The following CMTM4 variants were observed in gnomAD, a reference collection of about 807,000 sequenced individuals.
The protein encoded by CMTM4 is CKLF like MARVEL transmembrane domain containing 4.
CMTM4 carries 8 observed loss-of-function variants against 19.0 expected under a neutral mutation model. The observed-to-expected ratio is 0.42, with a 90% CI of 0.25 to 0.76. CMTM4 has a LOEUF of 0.76. CMTM4 is among the 30% of genes least tolerant of loss of function. CMTM4 has a pLI of 0.27. For missense variants in CMTM4, 228 were observed against 290.2 expected, an observed-to-expected ratio of 0.79 and a Z score of 1.56; for synonymous variants, 106 against 121.1, an observed-to-expected ratio of 0.88 and a Z score of 0.82.
intron 1 of CMTM4, among the ~76,000 whole-genome samples, chr16:66,674,847 T>G (rs1447098856): frequency 7.0e-6 from 1 of 141,970 alleles, no homozygotes; most frequent in Admixed American, 7.4e-5. Context: ...GTTCAAGCAA[T>G]TCCCCTGCCT....
chr16:66,600,445 C>A, the CMTM4 span, among the ~76,000 whole-genome samples: 1 of 152,046 alleles, frequency 6.6e-6, no homozygotes, highest in African/African-American at 2.4e-5. Context: ...GCGCCCAGCC[C>A]AGGGCCACGT....
At position 66,621,723 on chromosome 16, in the gene CMTM4, A is replaced by G; in HGVS notation, c.*335T>C. The stretch of plus-strand genomic sequence containing the variant: ...CATTCCTTCATATTTCCCCCCTCTT[A>G]GCAGCCCCATTTAATCCAAAGTCTT... On this transcript the variant is annotated 3_prime_UTR_variant, in exon 4 of 4. Transcript: ENST00000394106. 3 of 1,104,994 alleles carry G rather than the reference A, an allele frequency of 2.7e-6. No individual in the cohort carries two copies. Among genetic ancestry groups the G allele is most frequent in the South Asian group, 3.1e-5 (1 of 32,302 alleles). The allele number at this position is 1,104,994 out of a possible 1,614,324, so 68.4% of individuals were successfully genotyped here. A position where few individuals can be genotyped will look rare whatever the true frequency, so the allele number is the denominator to read the frequency against.
At chr16:66,650,849 G>T (rs2016296673) in intron 1 of CMTM4, among the ~76,000 whole-genome samples, 1 of 152,124 alleles carries the variant, frequency 6.6e-6, no homozygotes, top group Non-Finnish European at 1.5e-5. Flanking sequence ...TACCCAGCAG[G>T]GGAGCAACTA....
downstream of CMTM4, among the ~76,000 whole-genome samples, chr16:66,611,748 C>T (rs1473412864): frequency 6.6e-6 from 1 of 152,062 alleles, no homozygotes; most frequent in African/African-American, 2.4e-5. Flanking sequence ...AGCTCCGAGA[C>T]AGAACTGGGA....
intron 1 of CMTM4, among the ~76,000 whole-genome samples, chr16:66,657,830 C>G (rs2016426234): frequency 6.6e-6 from 1 of 152,168 alleles, no homozygotes; most frequent in African/African-American, 2.4e-5. Flanking sequence ...TTTACCTTGC[C>G]TTTCCTGTAC....
At chr16:66,679,224 C>A (rs2016863587) in intron 1 of CMTM4, among the ~76,000 whole-genome samples, 1 of 152,020 alleles carries the variant, frequency 6.6e-6, no homozygotes, top group Admixed American at 6.6e-5. Flanking sequence ...TTCATCCAAC[C>A]CCAAACACTT....
chr16:66,660,907 G>C (rs929925780), intron 1 of CMTM4, among the ~76,000 whole-genome samples: 1 of 152,062 alleles, frequency 6.6e-6, no homozygotes, highest in African/African-American at 2.4e-5. Flanking sequence ...TTTACCGCAC[G>C]GTGGGGCCTG....
the CMTM4 span, among the ~76,000 whole-genome samples, chr16:66,607,687 C>T: frequency 2.0e-5 from 3 of 152,192 alleles, no homozygotes; most frequent in Non-Finnish European, 2.9e-5. Flanking sequence ...TGATTTCCCT[C>T]CGCAGGGCAC....
chr16:66,696,522 G>T lies in CMTM4; in HGVS notation c.4C>A (p.Arg2=), dbSNP rs1284719590. 34 of 1,198,436 alleles carry T rather than the reference G, an allele frequency of 2.8e-5. No individual in the cohort carries two copies. The highest frequency in any genetic ancestry group is 3.2e-5 in the Non-Finnish European group (31 of 966,248). The allele number at this position is 1,198,436 out of a possible 1,614,324, so 74.2% of individuals were successfully genotyped here. A position where few individuals can be genotyped will look rare whatever the true frequency, so the allele number is the denominator to read the frequency against. The change falls in exon 1 of 4, where the codon CGG becomes AGG. Residue 2 remains arginine, a synonymous_variant. Transcript: ENST00000394106. The surrounding 1 kb of genome is among the most constrained non-coding windows in gnomAD (Gnocchi z 4.3). ...AAGCCGTCCAGCTCCTCGCCGCTCC[G>T]CATGCTGCCGCCCGGCCCGGGCCGC... M[R]SGEELDGFEG... is the part of the protein sequence containing the mutation.
intron 1 of CMTM4, among the ~76,000 whole-genome samples, chr16:66,652,224 A>C (rs922843728): frequency 7.9e-5 from 12 of 152,218 alleles, no homozygotes; most frequent in African/African-American, 2.9e-4. Context: ...TGGTGAAAGA[A>C]AACAAAGCGC....
chr16:66,679,586 G>A (rs2016869894), intron 1 of CMTM4, among the ~76,000 whole-genome samples: 1 of 152,110 alleles, frequency 6.6e-6, no homozygotes, highest in African/African-American at 2.4e-5. Context: ...CAGTTAGGGA[G>A]GCCGAGGTGG....
intron 1 of CMTM4, among the ~76,000 whole-genome samples, chr16:66,645,620 A>G (rs1261273356): frequency 2.0e-5 from 3 of 152,040 alleles, no homozygotes; most frequent in East Asian, 3.9e-4. Flanking sequence ...TTAGACCCAG[A>G]AATTCTAGGA....
At chr16:66,631,269 A>T (rs1001660027) in intron 2 of CMTM4, among the ~76,000 whole-genome samples, 1 of 146,004 alleles carries the variant, frequency 6.8e-6, no homozygotes, top group Non-Finnish European at 1.5e-5. Context: ...GTGGGGGGTC[A>T]GCCCCCCGCC....
At chr16:66,646,882 T>C (rs2016211917) in intron 1 of CMTM4, among the ~76,000 whole-genome samples, 1 of 152,000 alleles carries the variant, frequency 6.6e-6, no homozygotes, top group African/African-American at 2.4e-5. Flanking sequence ...AATTTTTGTA[T>C]TTTTAGTAGA....
At chr16:66,676,918 A>T (rs776703979) in intron 1 of CMTM4, among the ~76,000 whole-genome samples, 1 of 152,178 alleles carries the variant, frequency 6.6e-6, no homozygotes, top group Non-Finnish European at 1.5e-5. Context: ...TGTAATGTAA[A>T]ATAGTGCTTC....
downstream of CMTM4, chr16:66,610,728 C>T (rs2015345869): frequency 1.0e-5 from 4 of 398,130 alleles, no homozygotes; most frequent in South Asian, 1.3e-4. This position sits in a 1 kb window ranked among gnomAD's most constrained non-coding sequence, Gnocchi z 4.6. Context: ...GCTGGCAGTG[C>T]CTGTGGCTGG....
rs1197943575 is a variant in CMTM4, at chr16:66,623,524, A to G, written c.364-22T>C. ...AATCCTAAAGGGAGAGACAAAATAAACCAAGTGAAAAGAACCATTCCATCT... is the reference window on the plus strand; with the variant it reads ...AATCCTAAAGGGAGAGACAAAATAAGCCAAGTGAAAAGAACCATTCCATCT... On this transcript the variant is annotated intron_variant, in intron 2 of 3. Coordinates refer to ENST00000394106, the MANE Select transcript of CMTM4 (RefSeq NM_181521.3). The G allele has an allele frequency of 2.0e-6, 3 of 1,537,170 alleles. No homozygotes were observed. In the Admixed American group the frequency reaches 5.7e-5, roughly 29 times the overall value.
chr16:66,626,569 G>A (rs1034206537), intron 2 of CMTM4, among the ~76,000 whole-genome samples: 3 of 152,136 alleles, frequency 2.0e-5, no homozygotes. Flanking sequence ...TCTCGCCACT[G>A]CACTCCAGCC....
At chr16:66,674,135 T>A (rs1203684728) in intron 1 of CMTM4, among the ~76,000 whole-genome samples, 1 of 152,232 alleles carries the variant, frequency 6.6e-6, no homozygotes, top group African/African-American at 2.4e-5. Context: ...CAGATGCAGT[T>A]GGGTCACAGT....
Sources: allele counts gnomAD v4.1 joint callset (sites outside exome capture counted in the v4.1 genomes callset), GRCh38; gene constraint gnomAD v4.1.1; non-coding constraint Gnocchi (gnomAD v3.1); transcripts MANE v1.5; gene names NCBI Gene and HGNC (gene_info 2026-07-23, HGNC 2026-07-21).